Variants in ADAMTS19 observed in about 807,000 individuals in gnomAD.
ADAMTS19 encodes ADAM metallopeptidase with thrombospondin type 1 motif 19.
A neutral mutation model predicts 153.3 loss-of-function variants in ADAMTS19; 93 were observed. The ratio of observed to expected loss-of-function variants is 0.61; its 90% CI spans 0.51 to 0.72. The LOEUF (loss-of-function observed/expected upper bound fraction) is 0.72. ADAMTS19 is among the 30% of genes least tolerant of loss of function. The pLI, the probability that ADAMTS19 is intolerant of heterozygous loss-of-function variation, is 0.00. For synonymous variants in ADAMTS19, 600 were observed against 556.6 expected (o/e 1.08, Z -1.10); for missense variants, 1,482 against 1,552.1 (o/e 0.95, Z 0.76).
rs1261670879 is a variant in ADAMTS19 at position 129,526,334 on chromosome 5, C to T, written c.964C>T (p.Arg322Ter). 9.4e-6 allele frequency: 15 copies of T among 1,597,430 alleles called. No homozygotes were observed. The highest frequency in any genetic ancestry group is 2.3e-5 in the East Asian group (1 of 43,354). The change falls in exon 4 of 23, where the codon CGA becomes TGA. Residue 322 changes from arginine to a stop codon, truncating the protein, a stop_gained. Coordinates refer to ENST00000274487, the MANE Select transcript of ADAMTS19 (RefSeq NM_133638.6). LOFTEE classifies it high-confidence loss of function. ...AATAGCAGAAAGTGGAAGAGGGAAA[C>T]GATATTCATACAAATTACCTCAAGA... Reference protein sequence around the residue: ...RKIAESGRGKRYSYKLPQEYN... With the variant: ...RKIAESGRGK
chr5:129,482,295 T>C (rs1048501647), intron 2 of ADAMTS19, among the ~76,000 whole-genome samples: 1 of 152,072 alleles, frequency 6.6e-6, no homozygotes, highest in African/African-American at 2.4e-5. Context: ...TTCACTTCTC[T>C]CACCCAACAA....
intron 6 of ADAMTS19, among the ~76,000 whole-genome samples, chr5:129,533,099 C>T (rs1237626162): frequency 6.6e-6 from 1 of 150,900 alleles, no homozygotes; most frequent in East Asian, 1.9e-4. Flanking sequence ...TGAGACTCCA[C>T]CACAAAAAAA....
At chr5:129,518,049 G>A (rs190193011) in intron 3 of ADAMTS19, among the ~76,000 whole-genome samples, 5 of 151,892 alleles carry the variant, frequency 3.3e-5, no homozygotes, top group East Asian at 1.9e-4. Flanking sequence ...GTATTTCCAC[G>A]AACAAATAAG....
chr5:129,478,373 T>A (rs1750295260), intron 2 of ADAMTS19, among the ~76,000 whole-genome samples: 1 of 152,186 alleles, frequency 6.6e-6, no homozygotes, highest in Non-Finnish European at 1.5e-5. Context: ...TTAGACATTT[T>A]GAAGGTGCTA....
Position 129,693,773 on chromosome 5 carries a change from C to G in ADAMTS19, c.2819-947C>G, listed in dbSNP as rs76518115. Among the ~76,000 whole-genome samples, 1,080 of 152,190 alleles carry G rather than the reference C, an allele frequency of 7.1e-3. 8 individuals are homozygous for G. The highest frequency in any genetic ancestry group is 0.025 in the African/African-American group (1,029 of 41,534). On this transcript the variant is annotated intron_variant, in intron 18 of 22. Transcript: ENST00000274487. ...AATTGTCATGTTTACATCCTATAAT[C>G]AAATTTTATCATAGTAGAGAAAGTA...
At chr5:129,643,373 AAAAAAAAAAAAAAG>A (rs1752901252) in intron 11 of ADAMTS19, among the ~76,000 whole-genome samples, 1 of 148,608 alleles carries the variant, frequency 6.7e-6, no homozygotes, top group Non-Finnish European at 1.5e-5. Context: ...AAGACAAAAA[AAAAAAAAAAAAAAG>A]AAAAAAAAAA....
chr5:129,599,936 A>G (rs1314960525), intron 8 of ADAMTS19, among the ~76,000 whole-genome samples: 1 of 152,194 alleles, frequency 6.6e-6, no homozygotes, highest in African/African-American at 2.4e-5. Flanking sequence ...ATTTGTCTCA[A>G]AAGTAGTGGC....
chr5:129,567,257 A>G (rs1201529420), intron 7 of ADAMTS19, among the ~76,000 whole-genome samples: 1 of 152,170 alleles, frequency 6.6e-6, no homozygotes, highest in Non-Finnish European at 1.5e-5. Flanking sequence ...AACATTCTTC[A>G]TAAGATTTAA....
rs549032007 is a variant in ADAMTS19, at chr5:129,729,992, G to C, written c.3313-4940G>C. Among the ~76,000 whole-genome samples the C allele has an allele frequency of 9.9e-5, 15 of 152,050 alleles. No individual in the cohort carries two copies. The South Asian group carries it at 2.9e-3, about 30-fold the overall frequency. On this transcript the variant is annotated intron_variant, in intron 21 of 22. Coordinates refer to ENST00000274487, the MANE Select transcript of ADAMTS19 (RefSeq NM_133638.6). Reference sequence around the variant, plus strand: ...ATTCTTTTGGTTTCTCAAATATTGTGATCTTTTTCAAGATTTACAGAAATT... The same window carrying C: ...ATTCTTTTGGTTTCTCAAATATTGTCATCTTTTTCAAGATTTACAGAAATT...
At chr5:129,566,419 C>T (rs1277353528) in intron 7 of ADAMTS19, among the ~76,000 whole-genome samples, 1 of 152,170 alleles carries the variant, frequency 6.6e-6, no homozygotes, top group African/African-American at 2.4e-5. Flanking sequence ...TTCTCTCTCC[C>T]ATTGAATGCA....
intron 10 of ADAMTS19, among the ~76,000 whole-genome samples, chr5:129,632,418 A>C (rs1752343070): frequency 6.6e-6 from 1 of 151,966 alleles, no homozygotes; most frequent in South Asian, 2.1e-4. Context: ...AATTGTATAC[A>C]TTTTACTTAA....
chr5:129,461,674 C>G lies in ADAMTS19; in HGVS notation c.664C>G (p.Pro222Ala). 1 of 1,580,744 alleles carries G rather than the reference C, an allele frequency of 6.3e-7. No individual in the cohort carries two copies. Among genetic ancestry groups the G allele is most frequent in the Non-Finnish European group, 8.6e-7 (1 of 1,169,334 alleles). Residue 222 changes from proline (P) to alanine (A), a missense_variant, in exon 2 of 23, where the codon CCA becomes GCA. Physicochemically the swap from Pro to Ala is conservative, Grantham distance 27. Coordinates refer to ENST00000274487, the MANE Select transcript of ADAMTS19 (RefSeq NM_133638.6). This position sits in a 1 kb window ranked among gnomAD's most constrained non-coding sequence, Gnocchi z 4.6. ...ATCCGCCCCGCAACCTCCCGCGCCA[C>G]CAGACGCAGGCTGCTTCTACACCGG... ...AASAPQPPAP[P>A]DAGCFYTGAV...
intron 16 of ADAMTS19, among the ~76,000 whole-genome samples, chr5:129,676,501 C>A (rs911402913): frequency 6.6e-6 from 1 of 152,046 alleles, no homozygotes; most frequent in Admixed American, 6.6e-5. Flanking sequence ...TGGGTTCTAC[C>A]TCCCAGTCAG....
intron 8 of ADAMTS19, among the ~76,000 whole-genome samples, chr5:129,599,574 A>C (rs1266529378): frequency 1.3e-5 from 2 of 152,162 alleles, no homozygotes; most frequent in Admixed American, 1.3e-4. Flanking sequence ...TCTTCATTGT[A>C]TTCTAAAATG....
chr5:129,527,757 C>A lies in ADAMTS19; in HGVS notation c.1096C>A (p.Leu366Ile). The change falls in exon 5 of 23, where the codon CTT (leucine) becomes ATT (isoleucine). Residue 366 changes from leucine to isoleucine, a missense_variant. Physicochemically the swap from Leu to Ile is conservative, Grantham distance 5 (BLOSUM62 2). This residue lies in a region of ADAMTS19 where 866 missense variants were observed against 827.7 expected (regional missense o/e 1.05). Transcript: ENST00000274487. ...ILTILNMVFNLFQHKSLSVQV... is the reference protein window; with the variant it reads ...ILTILNMVFNIFQHKSLSVQV... The stretch of plus-strand genomic sequence containing the variant: ...TTTTATTTGTTTTTAGGTATTTAAC[C>A]TTTTCCAACACAAGAGTCTGAGTGT... The A allele has an allele frequency of 6.4e-7, 1 of 1,567,808 alleles. No homozygotes were observed. The highest frequency in any genetic ancestry group is 1.2e-5 in the South Asian group (1 of 86,192).
rs577886704 is a variant in ADAMTS19 at position 129,525,773 on chromosome 5, T to A, written c.914-511T>A. Among the ~76,000 whole-genome samples the A allele has an allele frequency of 8.0e-4, 121 of 152,160 alleles. 2 individuals are homozygous for A. Among genetic ancestry groups the A allele is most frequent in the Non-Finnish European group, 1.5e-3 (102 of 67,926 alleles). ...AGTTATAGCTTCTGTAAGATCCTGA[T>A]GGAAAGTGGAGCTGAATCCTTTGTA... On this transcript the variant is annotated intron_variant, in intron 3 of 22. Transcript: ENST00000274487.
chr5:129,549,392 G>A (rs185673974), intron 6 of ADAMTS19, among the ~76,000 whole-genome samples: 1 of 151,298 alleles, frequency 6.6e-6, no homozygotes, highest in Non-Finnish European at 1.5e-5. Flanking sequence ...AAAGAGATAG[G>A]ACAAGCAAAT....
In ADAMTS19 at chr5:129,461,352, G is replaced by C; in HGVS notation, c.342G>C (p.Pro114=). Reference sequence around the variant, plus strand: ...AGTCCCGGCTCCGGCCCCCGCCGCCGTCGGAGGGTGAGGAGGACGAGGAGC... The same window carrying C: ...AGTCCCGGCTCCGGCCCCCGCCGCCCTCGGAGGGTGAGGAGGACGAGGAGC... The part of the protein sequence containing the change: ...RSESRLRPPP[P]SEGEEDEELE... The change falls in exon 2 of 23, where the codon CCG becomes CCC. Residue 114 remains proline (P), a synonymous_variant. Coordinates refer to ENST00000274487, the MANE Select transcript of ADAMTS19 (RefSeq NM_133638.6). This position sits in a 1 kb window ranked among gnomAD's most constrained non-coding sequence, Gnocchi z 4.6. 7.5e-7 allele frequency: 1 copy of C among 1,335,474 alleles called. No homozygotes were observed. Among genetic ancestry groups the C allele is most frequent in the Non-Finnish European group, 9.5e-7 (1 of 1,052,548 alleles). The allele number at this position is 1,335,474 out of a possible 1,614,324, so 82.7% of individuals were successfully genotyped here.
intron 8 of ADAMTS19, among the ~76,000 whole-genome samples, chr5:129,610,852 G>A (rs1751176105): frequency 6.6e-6 from 1 of 152,134 alleles, no homozygotes; most frequent in African/African-American, 2.4e-5. Context: ...CTAGATCCCT[G>A]AGGAATCGCC....
Sources: allele counts gnomAD v4.1 joint callset (sites outside exome capture counted in the v4.1 genomes callset), GRCh38; gene constraint gnomAD v4.1.1; regional missense constraint gnomAD v4.1.1; non-coding constraint Gnocchi (gnomAD v3.1); transcripts MANE v1.5; gene names NCBI Gene and HGNC (gene_info 2026-07-23, HGNC 2026-07-21).